CLPB: variants seen among roughly 807,000 people sequenced by gnomAD.
The protein encoded by CLPB is ClpB family mitochondrial disaggregase.
In CLPB, 40 loss-of-function variants were observed where a neutral mutation model predicts 78.4. The ratio of observed to expected loss-of-function variants is 0.51; its 90% CI spans 0.40 to 0.66. CLPB has a LOEUF of 0.66. CLPB is among the 30% of genes least tolerant of loss of function. The probability of loss-of-function intolerance (pLI) is 0.00; values close to 1 mark genes in which losing one functional copy is unlikely to be tolerated. For synonymous variants in CLPB, 333 were observed against 348.0 expected (o/e 0.96, Z 0.48); for missense variants, 780 against 886.9 (o/e 0.88, Z 1.53).
intron 11 of CLPB, among the ~76,000 whole-genome samples, chr11:72,297,702 T>TGTGTGTGTGTGTGAGA (rs1464583884): frequency 7.7e-6 from 1 of 129,754 alleles, no homozygotes; most frequent in Non-Finnish European, 1.7e-5. Flanking sequence ...TGTGTGTGTG[T>TGTGTGTGTGTGTGAGA]GACATGTCCA....
chr11:72,319,018 C>T (rs1042134963), intron 6 of CLPB, among the ~76,000 whole-genome samples: 1 of 152,222 alleles, frequency 6.6e-6, no homozygotes, highest in African/African-American at 2.4e-5. Flanking sequence ...TGGAAGGAGC[C>T]TGAAGGGATG....
chr11:72,397,689 A>C (rs1002420404), intron 3 of CLPB, among the ~76,000 whole-genome samples: 2 of 152,198 alleles, frequency 1.3e-5, no homozygotes, highest in Non-Finnish European at 2.9e-5. Flanking sequence ...CATTTAAAAA[A>C]ATTAGATTTT....
At chr11:72,424,594 T>C (rs1590933342) in intron 2 of CLPB, among the ~76,000 whole-genome samples, 1 of 151,250 alleles carries the variant, frequency 6.6e-6, no homozygotes, top group South Asian at 2.1e-4. Context: ...CCATTTCTAC[T>C]TAAAAAAAAA....
chr11:72,302,134 T>A, intron 10 of CLPB, 170 bp from the exon 11 acceptor site: 1 of 975,964 alleles, frequency 1.0e-6, no homozygotes, highest in Non-Finnish European at 1.5e-6. Context: ...ATGTTTATTC[T>A]TCAGAGCAAA....
At chr11:72,427,091 C>T (rs1856404345) in intron 2 of CLPB, among the ~76,000 whole-genome samples, 1 of 152,236 alleles carries the variant, frequency 6.6e-6, no homozygotes, top group Non-Finnish European at 1.5e-5. Flanking sequence ...ATAATGAATA[C>T]AGATGGCAGA....
chr11:72,347,908 C>T (rs888056843), intron 5 of CLPB, among the ~76,000 whole-genome samples: 9 of 152,112 alleles, frequency 5.9e-5, no homozygotes, highest in African/African-American at 1.9e-4. Flanking sequence ...AAGATTCAAC[C>T]GGTCATTGCT....
At chr11:72,357,907 C>A (rs1697257897) in intron 5 of CLPB, among the ~76,000 whole-genome samples, 1 of 152,070 alleles carries the variant, frequency 6.6e-6, no homozygotes, top group Non-Finnish European at 1.5e-5. Flanking sequence ...ACAAGGAAGA[C>A]CCTGGGGTCT....
intron 2 of CLPB, among the ~76,000 whole-genome samples, chr11:72,418,854 C>CAAAAAA (rs913728201): frequency 8.0e-5 from 6 of 75,212 alleles, no homozygotes; most frequent in South Asian, 4.3e-4. Flanking sequence ...ACTCCATCTC[C>CAAAAAA]AAAAAAAAAA....
intron 5 of CLPB, chr11:72,356,843 T>G (rs1268275837): frequency 6.6e-6 from 1 of 152,154 alleles, no homozygotes. Context: ...GTCTGGGGGT[T>G]GGGGGAAGCA....
At chr11:72,418,109 T>C (rs773348509) in intron 2 of CLPB, among the ~76,000 whole-genome samples, 8 of 152,222 alleles carry the variant, frequency 5.3e-5, no homozygotes, top group Non-Finnish European at 8.8e-5. Context: ...TGGAGACCAG[T>C]CAGCCTGCCC....
chr11:72,404,690 AG>A (rs1262134177), intron 2 of CLPB, among the ~76,000 whole-genome samples: 1 of 152,150 alleles, frequency 6.6e-6, no homozygotes, highest in East Asian at 1.9e-4. Context: ...CAGGTGAGGG[AG>A]GGGAAGGAGT....
At chr11:72,433,130 A>G (rs935366801) in intron 1 of CLPB, among the ~76,000 whole-genome samples, 5 of 152,060 alleles carry the variant, frequency 3.3e-5, no homozygotes, top group Non-Finnish European at 7.4e-5. Flanking sequence ...ACTATCCCAC[A>G]TGGCAAGATC....
At chr11:72,335,933 G>A (rs1950313163) in intron 5 of CLPB, among the ~76,000 whole-genome samples, 1 of 152,230 alleles carries the variant, frequency 6.6e-6, no homozygotes, top group Middle Eastern at 3.4e-3. Context: ...CAGTTTCTTT[G>A]CTGGTCCCAG....
rs555047879 is a variant in CLPB at position 72,414,238 on chromosome 11, C to G, written c.456-11186G>C. Among the ~76,000 whole-genome samples, 3 of 152,266 alleles carry G rather than the reference C, an allele frequency of 2.0e-5. No homozygotes were observed. The East Asian group carries it at 5.8e-4, about 29-fold the overall frequency. ...GGCCCAAAGCACCTTCATCTGGGTACCCCTGCCCAGAGCTATTAATATATG... is the reference window on the plus strand; with the variant it reads ...GGCCCAAAGCACCTTCATCTGGGTAGCCCTGCCCAGAGCTATTAATATATG... On this transcript the variant is annotated intron_variant, in intron 2 of 15. Transcript: ENST00000538039.
At chr11:72,387,556 G>C (rs1450954704) in intron 3 of CLPB, among the ~76,000 whole-genome samples, 2 of 152,018 alleles carry the variant, frequency 1.3e-5, no homozygotes, top group South Asian at 4.1e-4. Flanking sequence ...TCTTGGACCA[G>C]TGACTACACC....
At chr11:72,297,202 C>T (rs992193991) in intron 11 of CLPB, among the ~76,000 whole-genome samples, 2 of 152,232 alleles carry the variant, frequency 1.3e-5, no homozygotes, top group South Asian at 4.1e-4. Flanking sequence ...ATATACATCA[C>T]TGACCTCAGC....
chr11:72,307,407 C>T (rs1258613524), intron 8 of CLPB, among the ~76,000 whole-genome samples, 153 bp from the exon 9 acceptor site: 1 of 152,156 alleles, frequency 6.6e-6, no homozygotes, highest in Non-Finnish European at 1.5e-5. Context: ...CCCACAGTCA[C>T]CTAGGGAGTT....
At chr11:72,412,357 G>C (rs1046187442) in intron 2 of CLPB, among the ~76,000 whole-genome samples, 1 of 152,206 alleles carries the variant, frequency 6.6e-6, no homozygotes, top group Non-Finnish European at 1.5e-5. Flanking sequence ...GTGAGGGAGG[G>C]GAGAGGCTGG....
At chr11:72,372,814 C>T (rs1951067965) in intron 4 of CLPB, 1 of 962,740 alleles carries the variant, frequency 1.0e-6, no homozygotes, top group East Asian at 2.4e-5. Flanking sequence ...GCTGGGCACA[C>T]AGTGGGTGCT....
Sources: gnomAD v4.1 joint callset for allele counts (sites outside exome capture counted in the v4.1 genomes callset) on GRCh38, gnomAD v4.1.1 for gene constraint, MANE v1.5 for transcripts, NCBI Gene and HGNC (gene_info 2026-07-23, HGNC 2026-07-21) for gene names.